Variants in RPF2 observed in about 807,000 individuals in gnomAD.
RPF2 encodes brix domain containing 1.
Under a neutral mutation model 38.9 loss-of-function variants are expected in RPF2, and 21 were observed. The observed-to-expected ratio is 0.54, with a 90% confidence interval of 0.38 to 0.78. RPF2 has a LOEUF of 0.78. Ranked by LOEUF, RPF2 falls within the 30% of genes least tolerant of loss-of-function variation. The pLI is 0.00. For synonymous variants in RPF2, 121 were observed against 126.2 expected (o/e 0.96, Z 0.28); for missense variants, 314 against 358.1 (o/e 0.88, Z 0.99).
intron 5 of RPF2, among the ~76,000 whole-genome samples, chr6:110,999,101 T>C (rs1487950556): frequency 1.1e-4 from 16 of 152,136 alleles, no homozygotes; most frequent in Admixed American, 1.1e-3. Context: ...CTTCTGTCTC[T>C]GTCGGAATCA....
At chr6:110,982,336 G>C (rs1047716383) in intron 1 of RPF2, 5 of 617,344 alleles carry the variant, frequency 8.1e-6, no homozygotes, top group Non-Finnish European at 1.4e-5. Flanking sequence ...CGTGGGATGG[G>C]AGGGATGTGG....
intron 7 of RPF2, among the ~76,000 whole-genome samples, chr6:111,012,111 C>CT (rs1240302191): frequency 7.0e-6 from 1 of 143,694 alleles, no homozygotes; most frequent in Non-Finnish European, 1.5e-5. Flanking sequence ...GAAAAGTTAA[C>CT]TTTTTTTCAT....
intron 4 of RPF2, among the ~76,000 whole-genome samples, chr6:110,996,060 C>T (rs1477714709): frequency 3.3e-5 from 5 of 151,912 alleles, no homozygotes; most frequent in Non-Finnish European, 7.4e-5. Flanking sequence ...TTAAGCCATC[C>T]ACCTACCTCA....
At chr6:111,001,717 A>G (rs2114317218) in intron 6 of RPF2, among the ~76,000 whole-genome samples, 1 of 152,248 alleles carries the variant, frequency 6.6e-6, no homozygotes, top group Non-Finnish European at 1.5e-5. Flanking sequence ...GCATAACCCC[A>G]TTTCACCTTT....
At chr6:111,004,800 C>T (rs1365981586) in intron 6 of RPF2, among the ~76,000 whole-genome samples, 1 of 151,838 alleles carries the variant, frequency 6.6e-6, no homozygotes, top group African/African-American at 2.4e-5. Context: ...GACTCCTCAC[C>T]TCAAGTGATC....
At position 111,008,180 on chromosome 6, in the gene RPF2, GAC is replaced by G. The variant is rs760244690; in HGVS notation, c.493+45_493+46del. On this transcript the variant is annotated intron_variant, in intron 7 of 9. Coordinates refer to ENST00000441448, the MANE Select transcript of RPF2 (RefSeq NM_032194.3). ...TATTATCTTCAGGGTAGCTCAGGAA[GAC>G]AGTCTCAGACTCTCACTGGTGGCAC... The G allele has an allele frequency of 3.3e-5, 50 of 1,534,728 alleles. No individual in the cohort carries two copies. In the African/African-American group the frequency reaches 6.4e-4, roughly 20 times the overall value.
At chr6:111,011,308 C>CTT (rs113226329) in intron 7 of RPF2, among the ~76,000 whole-genome samples, 3 of 88,262 alleles carry the variant, frequency 3.4e-5, no homozygotes, top group Non-Finnish European at 6.9e-5. Flanking sequence ...TTCTTTCTTT[C>CTT]TTTTTTTTTT....
intron 2 of RPF2, among the ~76,000 whole-genome samples, chr6:110,987,557 C>T (rs947143638): frequency 1.3e-5 from 2 of 152,040 alleles, no homozygotes; most frequent in East Asian, 3.9e-4. Flanking sequence ...AAAAGCAGCA[C>T]AATATTACAG....
intron 7 of RPF2, among the ~76,000 whole-genome samples, chr6:111,011,311 T>TC (rs1219612553): frequency 1.3e-5 from 2 of 150,912 alleles, no homozygotes; most frequent in Non-Finnish European, 1.5e-5. Context: ...TTTCTTTCTT[T>TC]TTTTTTTTGA....
In RPF2 at chr6:110,994,587, C is replaced by CA. The variant is rs911291487; in HGVS notation, c.235-2588dup. On this transcript the variant is annotated intron_variant, in intron 4 of 9. Transcript: ENST00000441448. Reference sequence around the variant, plus strand: ...GGCAACAGAGTGAGACCTTGTCTCACAAAAAAAAGAAGAGTTGGCTAAAAA... The same window carrying CA: ...GGCAACAGAGTGAGACCTTGTCTCACAAAAAAAAAGAAGAGTTGGCTAAAAA... Among the ~76,000 whole-genome samples the CA allele has an allele frequency of 6.4e-4, 96 of 149,848 alleles. 1 individual carries two copies. The highest frequency in any genetic ancestry group is 2.4e-3 in the Admixed American group (36 of 15,012).
chr6:110,994,196 A>C (rs1272942384), intron 4 of RPF2, among the ~76,000 whole-genome samples: 1 of 151,658 alleles, frequency 6.6e-6, no homozygotes, highest in Non-Finnish European at 1.5e-5. Flanking sequence ...AATCACTTGA[A>C]CCCGGGAGGT....
intron 6 of RPF2, among the ~76,000 whole-genome samples, chr6:111,004,034 A>G (rs1554248925): frequency 6.6e-6 from 1 of 151,934 alleles, no homozygotes; most frequent in Non-Finnish European, 1.5e-5. Context: ...GCTAGTCTCA[A>G]ACTCCTGACC....
At chr6:111,005,016 T>C (rs148005610) in intron 6 of RPF2, among the ~76,000 whole-genome samples, 1 of 152,142 alleles carries the variant, frequency 6.6e-6, no homozygotes, top group Non-Finnish European at 1.5e-5. Context: ...TGCTTTTTGT[T>C]CCCTTCTGTA....
At chr6:111,000,423 A>G (rs914917170) in intron 6 of RPF2, among the ~76,000 whole-genome samples, 4 of 152,128 alleles carry the variant, frequency 2.6e-5, no homozygotes, top group Non-Finnish European at 4.4e-5. Flanking sequence ...CACAGCACCT[A>G]TTTTATGGAA....
At chr6:111,013,340 TATC>T (rs1400759716) in intron 7 of RPF2, among the ~76,000 whole-genome samples, 1 of 152,324 alleles carries the variant, frequency 6.6e-6, no homozygotes, top group Admixed American at 6.5e-5. Context: ...AGCCAGAAAA[TATC>T]ATGCTGTTAG....
At chr6:111,021,700 T>G (rs1327222759) in intron 8 of RPF2, among the ~76,000 whole-genome samples, 1 of 152,208 alleles carries the variant, frequency 6.6e-6, no homozygotes, top group Non-Finnish European at 1.5e-5. Flanking sequence ...AAAGGGGTAC[T>G]CATAGATGGG....
At chr6:110,989,586 A>G (rs371541826) in intron 3 of RPF2, among the ~76,000 whole-genome samples, 1 of 146,178 alleles carries the variant, frequency 6.8e-6, no homozygotes, top group South Asian at 2.1e-4. Flanking sequence ...TGTAGCTAGG[A>G]TTATAGGCAC....
At chr6:110,994,732 T>TACACACACACACACACACACACAC (rs754731328) in intron 4 of RPF2, among the ~76,000 whole-genome samples, 1 of 101,890 alleles carries the variant, frequency 9.8e-6, no homozygotes, top group African/African-American at 4.3e-5. Flanking sequence ...GATGAGTATA[T>TACACACACACACACACACACACAC]ATACACACAC....
intron 7 of RPF2, among the ~76,000 whole-genome samples, chr6:111,011,067 G>T (rs1772004204): frequency 6.6e-6 from 1 of 152,082 alleles, no homozygotes; most frequent in Admixed American, 6.6e-5. Flanking sequence ...TATTAAGTAG[G>T]TAAGGCCAAG....
Sources: allele counts gnomAD v4.1 joint callset (sites outside exome capture counted in the v4.1 genomes callset), GRCh38; gene constraint gnomAD v4.1.1; transcripts MANE v1.5; gene names NCBI Gene and HGNC (gene_info 2026-07-23, HGNC 2026-07-21).